CELF2: variants seen among roughly 807,000 people sequenced by gnomAD.
CELF2 encodes the protein CUG triplet repeat RNA-binding protein 2.
Under a neutral mutation model 62.6 loss-of-function variants are expected in CELF2, and 8 were observed. The observed-to-expected ratio is 0.13, with a 90% CI of 0.07 to 0.23. CELF2 has a LOEUF of 0.23. Among genes scored for constraint, CELF2 ranks in the 10% least tolerant of loss-of-function variants. CELF2 has a pLI of 1.00. For missense variants in CELF2, 333 were observed against 671.0 expected, an observed-to-expected ratio of 0.50 and a Z score of 5.56; for synonymous variants, 258 against 250.0, an observed-to-expected ratio of 1.03 and a Z score of -0.30.
chr10:11,135,676 C>G (rs988004850), intron 1 of CELF2, among the ~76,000 whole-genome samples: 8 of 152,326 alleles, frequency 5.3e-5, no homozygotes, highest in Non-Finnish European at 1.2e-4. Context: ...ACACTTAGTC[C>G]TTTTCTCATT....
chr10:10,755,826 TC>T, the CELF2 span, among the ~76,000 whole-genome samples: 1 of 152,188 alleles, frequency 6.6e-6, no homozygotes, highest in Non-Finnish European at 1.5e-5. Flanking sequence ...ACTGGTGTTT[TC>T]TTGGGAAGAA....
chr10:10,752,688 C>CCA, the CELF2 span, among the ~76,000 whole-genome samples: 1 of 58,980 alleles, frequency 1.7e-5, no homozygotes, highest in Non-Finnish European at 3.2e-5. Flanking sequence ...GACTCCGTCT[C>CCA]AAAAAAAAAA....
In CELF2 at chr10:10,931,487, A is replaced by G. The variant is rs1346009758; in HGVS notation, c.89+11488A>G. ...AAACTCTATTTACCACCACAGTTAT[A>G]GCATTTGAGACCCTCCCTCACCCAG... On this transcript the variant is annotated intron_variant, in intron 2 of 13. Coordinates refer to the CELF2 transcript ENST00000636488. The surrounding 1 kb of genome is among the most constrained non-coding windows in gnomAD (Gnocchi z 6.1). Among the ~76,000 whole-genome samples, 2 of 152,174 alleles carry G rather than the reference A, an allele frequency of 1.3e-5. No individual in the cohort carries two copies. Among genetic ancestry groups the G allele is most frequent in the East Asian group, 1.9e-4 (1 of 5,200 alleles).
intron 1 of CELF2, among the ~76,000 whole-genome samples, chr10:10,886,094 T>C (rs1243395785): frequency 1.3e-5 from 2 of 152,212 alleles, no homozygotes; most frequent in Non-Finnish European, 1.5e-5. Context: ...TAATATTCTA[T>C]CCAGGGTCAT....
At chr10:10,906,050 G>A (rs1406932670) in intron 1 of CELF2, among the ~76,000 whole-genome samples, 7 of 152,132 alleles carry the variant, frequency 4.6e-5, no homozygotes, top group South Asian at 4.1e-4. Flanking sequence ...CAGCCTGGGC[G>A]ATAGAGCCAG....
At chr10:11,021,062 A>C (rs2058240044) in intron 1 of CELF2, among the ~76,000 whole-genome samples, 1 of 152,194 alleles carries the variant, frequency 6.6e-6, no homozygotes, top group African/African-American at 2.4e-5. Context: ...GTTGATTTTC[A>C]ATTAAGATGG....
the CELF2 span, among the ~76,000 whole-genome samples, chr10:10,498,638 G>T: frequency 7.4e-3 from 1,133 of 152,242 alleles, 15 homozygotes; most frequent in African/African-American, 0.026. Flanking sequence ...GTCAAGCTTC[G>T]CCTTCCTCTA....
At position 11,223,715 on chromosome 10, in the gene CELF2, G is replaced by A. The variant is rs1391479906; in HGVS notation, c.354+6208G>A. On this transcript the variant is annotated intron_variant, in intron 3 of 12. Transcript: ENST00000633077. The surrounding 1 kb of genome is among the most constrained non-coding windows in gnomAD (Gnocchi z 5.1). ...AGTATGAAAGGGGTAGGGGCAGAGT[G>A]TAGACCCAGCCCCAAGTCGGGCTCA... Among the ~76,000 whole-genome samples, 1 of 152,060 alleles carries A rather than the reference G, an allele frequency of 6.6e-6. No individual in the cohort carries two copies. Among genetic ancestry groups the A allele is most frequent in the East Asian group, 1.9e-4 (1 of 5,180 alleles).
At chr10:11,278,997 G>A (rs1430554364) in intron 8 of CELF2, among the ~76,000 whole-genome samples, 1 of 152,148 alleles carries the variant, frequency 6.6e-6, no homozygotes, top group Non-Finnish European at 1.5e-5. Context: ...CTTGAGGTGT[G>A]TTTCACGGCC....
chr10:10,730,682 C>T, the CELF2 span, among the ~76,000 whole-genome samples: 10 of 152,184 alleles, frequency 6.6e-5, no homozygotes, highest in African/African-American at 2.4e-4. Context: ...TGCCTTCACG[C>T]CTTCCAGGAG....
chr10:10,548,439 AG>A, the CELF2 span, among the ~76,000 whole-genome samples: 54 of 152,328 alleles, frequency 3.5e-4, no homozygotes, highest in Admixed American at 3.2e-3. Flanking sequence ...CTATTCTATA[AG>A]GGTTTAGTTT....
Position 11,159,252 on chromosome 10 carries a change from C to G in CELF2, c.75-6234C>G, listed in dbSNP as rs1334991778. Among the ~76,000 whole-genome samples the G allele has an allele frequency of 6.6e-6, 1 of 152,188 alleles. No individual in the cohort carries two copies. Among genetic ancestry groups the G allele is most frequent in the Non-Finnish European group, 1.5e-5 (1 of 68,022 alleles). ...TTTTCACATATTTTTGGTGGCGTAACTGATAACCAAAACATTTTGTTAAAT... is the reference window on the plus strand; with the variant it reads ...TTTTCACATATTTTTGGTGGCGTAAGTGATAACCAAAACATTTTGTTAAAT... On this transcript the variant is annotated intron_variant, in intron 1 of 12. Coordinates refer to ENST00000633077, the MANE Select transcript of CELF2 (RefSeq NM_001326342.2). This position sits in a 1 kb window ranked among gnomAD's most constrained non-coding sequence, Gnocchi z 5.0.
At chr10:10,645,313 C>T in the CELF2 span, among the ~76,000 whole-genome samples, 2 of 152,172 alleles carry the variant, frequency 1.3e-5, no homozygotes, top group African/African-American at 4.8e-5. Flanking sequence ...CCTTAGAAGA[C>T]AGCCACTGCT....
chr10:11,292,013 C>G (rs2092592691), intron 9 of CELF2, among the ~76,000 whole-genome samples: 2 of 152,198 alleles, frequency 1.3e-5, no homozygotes, highest in African/African-American at 4.8e-5. Context: ...TCTCCAAATG[C>G]TTCTGTAAGT....
At chr10:11,089,609 G>A (rs2047758141) in intron 1 of CELF2, among the ~76,000 whole-genome samples, 1 of 152,172 alleles carries the variant, frequency 6.6e-6, no homozygotes, top group Non-Finnish European at 1.5e-5. Context: ...TCAGTGGCTG[G>A]TGGAAGCAGA....
chr10:10,629,872 AAAAAG>A, the CELF2 span, among the ~76,000 whole-genome samples: 55 of 145,514 alleles, frequency 3.8e-4, 18 homozygotes, highest in East Asian at 6.0e-4. Flanking sequence ...AAAAAAAAAA[AAAAAG>A]AAAAAAAAAA....
rs189725019 is a variant in CELF2, at chr10:10,901,718, A to G, written c.54-18246A>G. Reference sequence around the variant, plus strand: ...GAGACATCAATAAGAGAATGAAAAAAGAAGTCACAGACTAGGAGAAAATAT... The same window carrying G: ...GAGACATCAATAAGAGAATGAAAAAGGAAGTCACAGACTAGGAGAAAATAT... On this transcript the variant is annotated intron_variant, in intron 1 of 13. Transcript: ENST00000636488. Among the ~76,000 whole-genome samples the G allele has an allele frequency of 2.2e-4, 33 of 152,340 alleles. No individual in the cohort carries two copies. The East Asian group carries it at 4.2e-3, about 20-fold the overall frequency.
In CELF2 at chr10:11,267,361, A is replaced by G. The variant is rs184415748; in HGVS notation, c.618+684A>G. Among the ~76,000 whole-genome samples, 2 of 152,344 alleles carry G rather than the reference A, an allele frequency of 1.3e-5. No homozygotes were observed. Among genetic ancestry groups the G allele is most frequent in the Admixed American group, 1.3e-4 (2 of 15,304 alleles). ...GGTGTGGATGCACACCCACGAACCTAGATAGATGGCTCTGTACTTTTAGTC... is the reference window on the plus strand; with the variant it reads ...GGTGTGGATGCACACCCACGAACCTGGATAGATGGCTCTGTACTTTTAGTC... On this transcript the variant is annotated intron_variant, in intron 6 of 12. Coordinates refer to ENST00000633077, the MANE Select transcript of CELF2 (RefSeq NM_001326342.2). This position sits in a 1 kb window ranked among gnomAD's most constrained non-coding sequence, Gnocchi z 4.4.
chr10:11,155,848 G>A (rs1006308172), intron 1 of CELF2, among the ~76,000 whole-genome samples: 1 of 152,168 alleles, frequency 6.6e-6, no homozygotes, highest in African/African-American at 2.4e-5. Flanking sequence ...TCCTTAGCCT[G>A]GCGTTTCATT....
Sources: allele counts gnomAD v4.1 joint callset (sites outside exome capture counted in the v4.1 genomes callset), GRCh38; gene constraint gnomAD v4.1.1; non-coding constraint Gnocchi (gnomAD v3.1); transcripts MANE v1.5; gene names NCBI Gene and HGNC (gene_info 2026-07-23, HGNC 2026-07-21).